Variants in ZNF827 observed in about 807,000 individuals in gnomAD.
ZNF827 encodes the protein zinc finger protein 827.
In ZNF827, 13 loss-of-function variants were observed where a neutral mutation model predicts 102.4. The ratio of observed to expected loss-of-function variants is 0.13; its 90% confidence interval spans 0.08 to 0.20. The LOEUF is 0.20. Among genes scored for constraint, ZNF827 ranks in the 10% least tolerant of loss-of-function variants. The pLI, the probability that ZNF827 is intolerant of heterozygous loss-of-function variation, is 1.00. For synonymous variants in ZNF827, 523 were observed against 536.2 expected, an observed-to-expected ratio of 0.98 and a Z score of 0.34; for missense variants, 1,103 against 1,344.4, an observed-to-expected ratio of 0.82 and a Z score of 2.81.
chr4:145,892,111 T>C, intron 3 of ZNF827, 132 bp downstream of exon 3: 7 of 781,842 alleles, frequency 9.0e-6, no homozygotes, highest in Non-Finnish European at 1.2e-5. Context: ...CCTTGCTACG[T>C]GGAGTACTGT....
In ZNF827 at chr4:145,870,305, T is replaced by C. The variant is rs1463525256; in HGVS notation, c.1921A>G (p.Ser641Gly). 1 of 1,614,136 alleles carries C rather than the reference T, an allele frequency of 6.2e-7. No homozygotes were observed. Among genetic ancestry groups the C allele is most frequent in the Admixed American group, 1.7e-5 (1 of 60,018 alleles). The part of the protein sequence containing the change: ...DALKPQEGKG[S>G]VLRRDVSVKA... Reference sequence around the variant, plus strand: ...ACTGACACATCCCGCCTTAGCACACTTCCCTTCCCTTCCTGGGGCTTTAGT... The same window carrying C: ...ACTGACACATCCCGCCTTAGCACACCTCCCTTCCCTTCCTGGGGCTTTAGT... The change falls in exon 5 of 15, where the codon AGT (serine) becomes GGT (glycine). Residue 641 changes from serine (S) to glycine (G), a missense_variant. Coordinates refer to ENST00000508784, the MANE Select transcript of ZNF827 (RefSeq NM_001306215.2).
intron 8 of ZNF827, among the ~76,000 whole-genome samples, chr4:145,789,320 A>G (rs1289741485): frequency 6.6e-6 from 1 of 152,222 alleles, no homozygotes; most frequent in Non-Finnish European, 1.5e-5. Flanking sequence ...AAAGACTTAA[A>G]GTGCATAAAT....
Position 145,885,740 on chromosome 4 carries a change from G to A in ZNF827, c.1685C>T (p.Ser562Leu), listed in dbSNP as rs900338793. ...AGAGATGTCCTGGCTGAACAATGCT[G>A]ACGCACTGTTGGCCACATACTCGGA... Reference protein sequence around the residue: ...DPSEYVANSASALFSQDISVK... With the variant: ...DPSEYVANSALALFSQDISVK... The change falls in exon 4 of 15, where the codon TCA becomes TTA. Residue 562 changes from serine to leucine, a missense_variant. Coordinates refer to ENST00000508784, the MANE Select transcript of ZNF827 (RefSeq NM_001306215.2). 2 of 1,587,148 alleles carry A rather than the reference G, an allele frequency of 1.3e-6. No homozygotes were observed. Among genetic ancestry groups the A allele is most frequent in the Non-Finnish European group, 8.6e-7 (1 of 1,166,952 alleles).
At chr4:145,808,283 A>G (rs1037650037) in intron 8 of ZNF827, among the ~76,000 whole-genome samples, 6 of 152,076 alleles carry the variant, frequency 3.9e-5, no homozygotes, top group Admixed American at 2.0e-4. Context: ...TTTTTTATAA[A>G]TCATTCTACC....
chr4:145,781,783 C>T (rs987773863), intron 8 of ZNF827, among the ~76,000 whole-genome samples: 1 of 152,142 alleles, frequency 6.6e-6, no homozygotes, highest in Non-Finnish European at 1.5e-5. Context: ...CAAAACAGTG[C>T]TTCAAAGAAC....
At chr4:145,848,326 C>A (rs1009429628) in intron 6 of ZNF827, among the ~76,000 whole-genome samples, 1 of 152,202 alleles carries the variant, frequency 6.6e-6, no homozygotes, top group African/African-American at 2.4e-5. Flanking sequence ...ATTTTCAGCA[C>A]CATCTGATAA....
chr4:145,900,350 G>A (rs953150097), intron 2 of ZNF827, among the ~76,000 whole-genome samples: 1 of 151,884 alleles, frequency 6.6e-6, no homozygotes, highest in Admixed American at 6.6e-5. Flanking sequence ...TACTAGAAAC[G>A]CCATTCACAC....
At chr4:145,935,987 TA>T (rs1754135567) in intron 1 of ZNF827, among the ~76,000 whole-genome samples, 1 of 151,826 alleles carries the variant, frequency 6.6e-6, no homozygotes. Context: ...TTTTTTTTTT[TA>T]AAGCAGGGGG....
chr4:145,822,395 C>A (rs369135693), intron 8 of ZNF827, among the ~76,000 whole-genome samples: 5 of 151,950 alleles, frequency 3.3e-5, no homozygotes, highest in Non-Finnish European at 7.4e-5. Context: ...ATACCCGAGG[C>A]CAATATTTCA....
chr4:145,811,544 T>G (rs1336096759), intron 8 of ZNF827, among the ~76,000 whole-genome samples: 3 of 152,186 alleles, frequency 2.0e-5, no homozygotes, highest in Admixed American at 6.5e-5. Context: ...TTGACAGCTG[T>G]AGAATGTTGT....
intron 7 of ZNF827, among the ~76,000 whole-genome samples, chr4:145,825,239 T>G (rs1743554210): frequency 6.6e-6 from 1 of 152,066 alleles, no homozygotes; most frequent in Non-Finnish European, 1.5e-5. Flanking sequence ...TTCAAGGAGC[T>G]GGGGAAGGCG....
intron 5 of ZNF827, among the ~76,000 whole-genome samples, chr4:145,860,059 T>C (rs149745747): frequency 5.9e-5 from 9 of 152,298 alleles, no homozygotes; most frequent in African/African-American, 1.9e-4. Flanking sequence ...CACAGCTCTT[T>C]GGAAAAAAAG....
Position 145,906,059 on chromosome 4 carries a change from C to A in ZNF827, c.44-2844G>T, listed in dbSNP as rs994939140. Among the ~76,000 whole-genome samples the A allele has an allele frequency of 2.2e-4, 34 of 152,184 alleles. 2 individuals are homozygous for A. Among genetic ancestry groups the A allele is most frequent in the Admixed American group, 1.6e-3 (24 of 15,276 alleles). On this transcript the variant is annotated intron_variant, in intron 1 of 14. Coordinates refer to ENST00000508784, the MANE Select transcript of ZNF827 (RefSeq NM_001306215.2). ...GTTACAACCACACATCAAATCTTGT[C>A]ATTTTACTCAGACTATTAAATACGT...
chr4:145,925,174 C>T (rs1341690582), intron 1 of ZNF827, among the ~76,000 whole-genome samples: 8 of 152,140 alleles, frequency 5.3e-5, no homozygotes, highest in Admixed American at 5.2e-4. Flanking sequence ...GACCCATCCG[C>T]ATGATTCAAT....
At chr4:145,799,646 G>A (rs771175246) in intron 8 of ZNF827, among the ~76,000 whole-genome samples, 3 of 152,030 alleles carry the variant, frequency 2.0e-5, no homozygotes, top group Admixed American at 1.3e-4. Context: ...GGAACCCCCC[G>A]AGTTTTAGCT....
chr4:145,921,195 G>A (rs141789594), intron 1 of ZNF827, among the ~76,000 whole-genome samples: 128 of 152,188 alleles, frequency 8.4e-4, no homozygotes, highest in African/African-American at 3.1e-3. Context: ...AAGAAAAGGA[G>A]GTATAAGTAT....
chr4:145,766,538 C>T (rs553231409), intron 11 of ZNF827, among the ~76,000 whole-genome samples: 10 of 152,298 alleles, frequency 6.6e-5, no homozygotes, highest in African/African-American at 2.4e-4. Flanking sequence ...TGGAACCTGA[C>T]AGACTCCGAG....
chr4:145,883,083 C>G (rs1199187085), intron 4 of ZNF827, among the ~76,000 whole-genome samples: 1 of 151,544 alleles, frequency 6.6e-6, no homozygotes, highest in Non-Finnish European at 1.5e-5. Context: ...AAAAATCGCT[C>G]TAGAAAATGT....
At chr4:145,917,718 A>G (rs957066878) in intron 1 of ZNF827, among the ~76,000 whole-genome samples, 4 of 147,140 alleles carry the variant, frequency 2.7e-5, no homozygotes, top group East Asian at 1.9e-4. Flanking sequence ...AAAAAAAAAA[A>G]AAAAAAAAGA....
Sources: allele counts gnomAD v4.1 joint callset (sites outside exome capture counted in the v4.1 genomes callset), GRCh38; gene constraint gnomAD v4.1.1; transcripts MANE v1.5; gene names NCBI Gene and HGNC (gene_info 2026-07-23, HGNC 2026-07-21).